The following KLHL3 variants were observed in gnomAD, a reference collection of about 807,000 sequenced individuals.
KLHL3 encodes the protein kelch like family member 3.
A neutral mutation model predicts 70.5 loss-of-function variants in KLHL3; 19 were observed. That is an observed-to-expected ratio of 0.27 (90% CI 0.19 to 0.40). The LOEUF (loss-of-function observed/expected upper bound fraction) is 0.40, where lower values mean the gene tolerates loss of function less well. Ranked by LOEUF, KLHL3 falls within the 10% of genes least tolerant of loss-of-function variation. The probability of loss-of-function intolerance (pLI) is 1.00; values close to 1 mark genes in which losing one functional copy is unlikely to be tolerated. For missense variants in KLHL3, 512 were observed against 771.1 expected, an observed-to-expected ratio of 0.66 and a Z score of 3.98; for synonymous variants, 258 against 290.3, an observed-to-expected ratio of 0.89 and a Z score of 1.13.
intron 2 of KLHL3, among the ~76,000 whole-genome samples, chr5:137,718,355 G>A (rs895677724): frequency 6.6e-6 from 1 of 152,158 alleles, no homozygotes; most frequent in African/African-American, 2.4e-5. Flanking sequence ...AAAGGGGGCT[G>A]GGCATGGTGG....
Position 137,701,109 on chromosome 5 carries a change from C to T in KLHL3, c.242-2701G>A, listed in dbSNP as rs963398367. ...GTGCAATGGCATGATCTCAGCTCACCGCAACCTCTGCCTCCCGTGTTCAAG... is the reference window on the plus strand; with the variant it reads ...GTGCAATGGCATGATCTCAGCTCACTGCAACCTCTGCCTCCCGTGTTCAAG... On this transcript the variant is annotated intron_variant, in intron 3 of 14. Coordinates refer to ENST00000309755, the MANE Select transcript of KLHL3 (RefSeq NM_017415.3). Among the ~76,000 whole-genome samples, 6 of 151,968 alleles carry T rather than the reference C, an allele frequency of 3.9e-5. No individual in the cohort carries two copies. The South Asian group carries it at 6.2e-4, about 16-fold the overall frequency.
At chr5:137,696,758 T>C (rs889609543) in intron 4 of KLHL3, among the ~76,000 whole-genome samples, 24 of 152,154 alleles carry the variant, frequency 1.6e-4, no homozygotes, top group African/African-American at 5.8e-4. Context: ...TGAGCACCAG[T>C]TTCTTCAGCT....
At chr5:137,712,689 G>A (rs950360520) in intron 2 of KLHL3, among the ~76,000 whole-genome samples, 1 of 152,116 alleles carries the variant, frequency 6.6e-6, no homozygotes, top group Non-Finnish European at 1.5e-5. Context: ...AGAAAAGTAG[G>A]ACTAGACACT....
chr5:137,699,698 G>C (rs957404427), intron 3 of KLHL3, among the ~76,000 whole-genome samples: 3 of 152,160 alleles, frequency 2.0e-5, no homozygotes. Flanking sequence ...GCTGATTTCA[G>C]GAAAGACAGG....
chr5:137,699,132 T>C (rs1205485579), intron 3 of KLHL3, among the ~76,000 whole-genome samples: 1 of 152,074 alleles, frequency 6.6e-6, no homozygotes, highest in Non-Finnish European at 1.5e-5. Flanking sequence ...GAGCAACAAA[T>C]CTCTCCTGGG....
intron 14 of KLHL3, among the ~76,000 whole-genome samples, chr5:137,623,306 G>C (rs759865908): frequency 5.3e-5 from 8 of 152,202 alleles, no homozygotes; most frequent in Non-Finnish European, 1.2e-4. Flanking sequence ...GATTGAAGAT[G>C]AGATTGAGAG....
chr5:137,672,260 C>G (rs549444393), intron 6 of KLHL3, among the ~76,000 whole-genome samples: 2 of 152,284 alleles, frequency 1.3e-5, no homozygotes, highest in East Asian at 3.9e-4. Flanking sequence ...CAAGCCCAGC[C>G]CACCGGCCAA....
intron 8 of KLHL3, chr5:137,652,944 T>C (rs1751241478): frequency 6.6e-6 from 1 of 152,102 alleles, no homozygotes. Context: ...CTTTTGTCAA[T>C]TAAAAAATTA....
chr5:137,683,196 C>T (rs936995165), intron 5 of KLHL3, among the ~76,000 whole-genome samples: 1 of 152,078 alleles, frequency 6.6e-6, no homozygotes, highest in African/African-American at 2.4e-5. Context: ...TTATATGGTG[C>T]CTCTTCCTCT....
At position 137,736,054 on chromosome 5, in the gene KLHL3, G is replaced by A. The variant is rs1471755785; in HGVS notation, c.-408C>T. The A allele has an allele frequency of 9.0e-6, 3 of 334,604 alleles. No individual in the cohort carries two copies. Among genetic ancestry groups the A allele is most frequent in the Non-Finnish European group, 1.8e-5 (3 of 170,450 alleles). 20.7% of individuals were successfully genotyped at this position (334,604 alleles called of 1,614,324 possible). A position where few individuals can be genotyped will look rare whatever the true frequency, so the allele number is the denominator to read the frequency against. ...CAGCCCAGGCGATTAGCCCGCCCCTGGGGCTCCTGCCTCCTCTGTCTAGGC... is the reference window on the plus strand; with the variant it reads ...CAGCCCAGGCGATTAGCCCGCCCCTAGGGCTCCTGCCTCCTCTGTCTAGGC... On this transcript the variant is annotated 5_prime_UTR_variant, in exon 1 of 15. Transcript: ENST00000309755.
At chr5:137,692,534 AG>A (rs2149917931) in intron 4 of KLHL3, 87 bp from the exon 5 acceptor site, 1 of 1,309,262 alleles carries the variant, frequency 7.6e-7, no homozygotes, top group South Asian at 1.3e-5. Flanking sequence ...CCCATGCTCA[AG>A]ATCTTTTCAT....
rs75094541 is a variant in KLHL3, at chr5:137,627,483, C to A, written c.1591+814G>T. Among the ~76,000 whole-genome samples the A allele has an allele frequency of 3.5e-4, 44 of 127,440 alleles. 8 individuals are homozygous for A. The highest frequency in any genetic ancestry group is 3.0e-3 in the South Asian group (10 of 3,298). 83.6% of individuals were successfully genotyped at this position (127,440 alleles called of 152,430 possible). On this transcript the variant is annotated intron_variant, in intron 13 of 14. Transcript: ENST00000309755. ...TAAATTAGTAAATATCACCACCCCC[C>A]CCCCCGGTTTACACTTCCAAGTCAG... is the stretch of plus-strand genomic sequence containing the variant.
intron 1 of KLHL3, among the ~76,000 whole-genome samples, chr5:137,727,372 T>A (rs994132805): frequency 1.3e-5 from 2 of 152,158 alleles, no homozygotes; most frequent in Admixed American, 1.3e-4. Flanking sequence ...AGGATTATTA[T>A]AATAACCTCC....
chr5:137,702,282 A>G (rs1752587140), intron 3 of KLHL3, among the ~76,000 whole-genome samples: 1 of 152,218 alleles, frequency 6.6e-6, no homozygotes, highest in South Asian at 2.1e-4. Flanking sequence ...TTCCAGAGAT[A>G]GAGTCCATTG....
At chr5:137,689,258 T>C (rs1752259252) in intron 5 of KLHL3, among the ~76,000 whole-genome samples, 1 of 152,230 alleles carries the variant, frequency 6.6e-6, no homozygotes, top group Non-Finnish European at 1.5e-5. Context: ...TCAGCTACTG[T>C]GGAAAACAGT....
rs796856691 is a variant in KLHL3 at position 137,640,739 on chromosome 5, C to A, written c.904-762G>T. Among the ~76,000 whole-genome samples the A allele has an allele frequency of 2.5e-4, 38 of 152,082 alleles. No homozygotes were observed. In the South Asian group the frequency reaches 6.9e-3, roughly 27 times the overall value. The stretch of plus-strand genomic sequence containing the variant: ...ACAGAGGGTGAGGCCAGCCACCCCC[C>A]CCAACTCCTGCTCTAGAGACAGGAT... On this transcript the variant is annotated intron_variant, in intron 8 of 14. Coordinates refer to ENST00000309755, the MANE Select transcript of KLHL3 (RefSeq NM_017415.3).
intron 5 of KLHL3, among the ~76,000 whole-genome samples, chr5:137,678,831 C>T (rs1003330555): frequency 6.6e-6 from 1 of 151,898 alleles, no homozygotes; most frequent in Non-Finnish European, 1.5e-5. Flanking sequence ...ACAAAAAGGG[C>T]TCCCCACTTG....
At chr5:137,699,339 T>C (rs1193524225) in intron 3 of KLHL3, among the ~76,000 whole-genome samples, 2 of 151,868 alleles carry the variant, frequency 1.3e-5, no homozygotes, top group Non-Finnish European at 2.9e-5. Flanking sequence ...GGAGTAACAG[T>C]GAGAAGAAGG....
chr5:137,712,101 G>A (rs1295443567), intron 2 of KLHL3, among the ~76,000 whole-genome samples: 1 of 145,988 alleles, frequency 6.8e-6, no homozygotes, highest in African/African-American at 2.6e-5. Flanking sequence ...AGAGGTTGCT[G>A]TGGGCCAAGA....
Sources: allele counts gnomAD v4.1 joint callset (sites outside exome capture counted in the v4.1 genomes callset), GRCh38; gene constraint gnomAD v4.1.1; transcripts MANE v1.5; gene names NCBI Gene and HGNC (gene_info 2026-07-23, HGNC 2026-07-21).